Variants in CYTH1 observed in about 807,000 individuals in gnomAD.
The protein encoded by CYTH1 is cytohesin 1.
Under a neutral mutation model 61.8 loss-of-function variants are expected in CYTH1, and 18 were observed. The ratio of observed to expected loss-of-function variants is 0.29; its 90% CI spans 0.20 to 0.43. CYTH1 has a LOEUF of 0.43. Among genes scored for constraint, CYTH1 ranks in the 20% least tolerant of loss-of-function variants. The pLI is 1.00. For synonymous variants in CYTH1, 174 were observed against 184.3 expected, an observed-to-expected ratio of 0.94 and a Z score of 0.45; for missense variants, 336 against 510.5, an observed-to-expected ratio of 0.66 and a Z score of 3.29.
intron 1 of CYTH1, among the ~76,000 whole-genome samples, chr17:78,750,194 T>G (rs886123391): frequency 1.3e-5 from 2 of 152,156 alleles, no homozygotes; most frequent in Non-Finnish European, 2.9e-5. Context: ...TACTTCAAGA[T>G]GCGTTTTGGA....
chr17:78,726,681 C>A (rs2093268528), intron 1 of CYTH1, among the ~76,000 whole-genome samples: 1 of 151,938 alleles, frequency 6.6e-6, no homozygotes, highest in South Asian at 2.1e-4. Context: ...AGAGCAAGCT[C>A]CAGGCAGACT....
chr17:78,754,686 T>G (rs1279068842), intron 1 of CYTH1, among the ~76,000 whole-genome samples: 1 of 152,118 alleles, frequency 6.6e-6, no homozygotes, highest in Admixed American at 6.6e-5. Flanking sequence ...TAAAATAAAT[T>G]TTTGCATTTA....
intron 1 of CYTH1, among the ~76,000 whole-genome samples, chr17:78,775,032 G>A (rs1373973274): frequency 2.0e-5 from 3 of 152,210 alleles, no homozygotes; most frequent in Non-Finnish European, 4.4e-5. Flanking sequence ...CTGGCATAAC[G>A]GCCCTGGACT....
intron 1 of CYTH1, among the ~76,000 whole-genome samples, chr17:78,722,692 C>G (rs949655849): frequency 7.2e-5 from 11 of 152,196 alleles, no homozygotes; most frequent in African/African-American, 2.7e-4. Context: ...TTGTAATGCT[C>G]TGAATTTTTC....
rs1030832963 is a variant in CYTH1, at chr17:78,714,677, G to T, written c.23-4945C>A. Among the ~76,000 whole-genome samples the T allele has an allele frequency of 1.5e-4, 23 of 152,246 alleles. No homozygotes were observed. The Middle Eastern group carries it at 0.01, about 68-fold the overall frequency. On this transcript the variant is annotated intron_variant, in intron 1 of 13. Coordinates refer to ENST00000446868, the MANE Select transcript of CYTH1 (RefSeq NM_004762.6). The stretch of plus-strand genomic sequence containing the variant: ...GAGAACCCTACCCCAAGCAGGCTCT[G>T]GCTCACTCGCCCTGAAGCCAAGCCT...
intron 11 of CYTH1, among the ~76,000 whole-genome samples, chr17:78,686,713 C>A (rs1325627519): frequency 6.6e-6 from 1 of 152,130 alleles, no homozygotes; most frequent in Admixed American, 6.5e-5. Context: ...TTTCCACGGA[C>A]AAAGGCAGGG....
In CYTH1 at chr17:78,703,204, G is replaced by A. The variant is rs543465212; in HGVS notation, c.171-600C>T. Among the ~76,000 whole-genome samples, 6 of 151,840 alleles carry A rather than the reference G, an allele frequency of 4.0e-5. No individual in the cohort carries two copies. The South Asian group carries it at 1.2e-3, about 32-fold the overall frequency. Reference sequence around the variant, plus strand: ...CGAGGTGGGTGGATCACAAGGTCAGGAGTTCAAGACCAGCCCAGCCAACAT... The same window carrying A: ...CGAGGTGGGTGGATCACAAGGTCAGAAGTTCAAGACCAGCCCAGCCAACAT... On this transcript the variant is annotated intron_variant, in intron 3 of 13. Coordinates refer to ENST00000446868, the MANE Select transcript of CYTH1 (RefSeq NM_004762.6).
chr17:78,709,610 T>C, intron 2 of CYTH1, 40 bp downstream of exon 2: 1 of 1,606,290 alleles, frequency 6.2e-7, no homozygotes, highest in Non-Finnish European at 8.5e-7. Flanking sequence ...ACTGTCACTG[T>C]GGTTCTTACG....
intron 1 of CYTH1, among the ~76,000 whole-genome samples, chr17:78,778,838 G>A (rs576960918): frequency 4.7e-4 from 72 of 152,124 alleles, no homozygotes; most frequent in Non-Finnish European, 7.8e-4. Flanking sequence ...CTGAGGTGAC[G>A]TCTGAACACG....
At chr17:78,711,413 A>C (rs2093131460) in intron 1 of CYTH1, among the ~76,000 whole-genome samples, 1 of 151,994 alleles carries the variant, frequency 6.6e-6, no homozygotes, top group African/African-American at 2.4e-5. Context: ...ATATAACTTA[A>C]TGAAATGTAT....
intron 9 of CYTH1, among the ~76,000 whole-genome samples, chr17:78,696,428 C>T (rs1383477813): frequency 6.6e-6 from 1 of 152,272 alleles, no homozygotes; most frequent in Non-Finnish European, 1.5e-5. Flanking sequence ...TAAGAATGCA[C>T]ACACATATAC....
intron 3 of CYTH1, among the ~76,000 whole-genome samples, chr17:78,706,154 TTTAACAAAATGC>T (rs2093063313): frequency 6.6e-6 from 1 of 152,212 alleles, no homozygotes; most frequent in African/African-American, 2.4e-5. Context: ...AAAATTTACA[TTTAACAAAATGC>T]ACACACCTTA....
intron 11 of CYTH1, among the ~76,000 whole-genome samples, chr17:78,682,862 G>C (rs1023825017): frequency 6.6e-6 from 1 of 152,202 alleles, no homozygotes; most frequent in African/African-American, 2.4e-5. Flanking sequence ...TCATCATGCA[G>C]GGTATTCAGT....
chr17:78,687,063 G>A (rs2092823860), intron 11 of CYTH1, among the ~76,000 whole-genome samples: 1 of 152,128 alleles, frequency 6.6e-6, no homozygotes. Context: ...TTACAGGAGT[G>A]AGCCACCGCG....
At chr17:78,781,082 G>C (rs1012453721) in intron 1 of CYTH1, among the ~76,000 whole-genome samples, 2 of 151,108 alleles carry the variant, frequency 1.3e-5, no homozygotes, top group South Asian at 2.1e-4. Flanking sequence ...GGTGGCGTGC[G>C]TATGGTTCCA....
intron 10 of CYTH1, among the ~76,000 whole-genome samples, chr17:78,695,553 C>T (rs1235846688): frequency 6.6e-6 from 1 of 152,164 alleles, no homozygotes; most frequent in Non-Finnish European, 1.5e-5. Context: ...ACTTTGTTCT[C>T]TCTGGAGTAA....
intron 11 of CYTH1, among the ~76,000 whole-genome samples, chr17:78,684,515 T>C (rs1205126008): frequency 6.6e-6 from 1 of 152,246 alleles, no homozygotes; most frequent in Non-Finnish European, 1.5e-5. Context: ...CCAACGTCTT[T>C]GGCTTTTTAA....
At chr17:78,725,784 A>C (rs921678005) in intron 1 of CYTH1, among the ~76,000 whole-genome samples, 7 of 152,236 alleles carry the variant, frequency 4.6e-5, no homozygotes, top group African/African-American at 1.4e-4. Context: ...AGTTAATTCT[A>C]GGCACAGACA....
intron 1 of CYTH1, among the ~76,000 whole-genome samples, chr17:78,737,872 G>GGT (rs1490143961): frequency 1.6e-4 from 11 of 68,924 alleles, no homozygotes; most frequent in African/African-American, 9.0e-4. Flanking sequence ...CTCTTCTATA[G>GGT]ATACACACAC....
Sources: allele counts gnomAD v4.1 joint callset (sites outside exome capture counted in the v4.1 genomes callset), GRCh38; gene constraint gnomAD v4.1.1; transcripts MANE v1.5; gene names NCBI Gene and HGNC (gene_info 2026-07-23, HGNC 2026-07-21).